The following DNAH11 variants were observed in gnomAD, a reference collection of about 807,000 sequenced individuals.
DNAH11 encodes the protein dynein axonemal heavy chain 11.
In DNAH11, 442 loss-of-function variants were observed where a neutral mutation model predicts 526.0. The ratio of observed to expected loss-of-function variants is 0.84; its 90% CI spans 0.78 to 0.91. DNAH11 has a LOEUF of 0.91. Ranked by LOEUF, DNAH11 falls within the 40% of genes least tolerant of loss-of-function variation. DNAH11 has a pLI of 0.00. For missense variants in DNAH11, 6,989 were observed against 5,448.7 expected (o/e 1.28, Z -8.90); for synonymous variants, 2,461 against 1,935.9 (o/e 1.27, Z -7.12).
chr7:21,836,905 TGAAAA>T (rs950745667), intron 65 of DNAH11, among the ~76,000 whole-genome samples: 1 of 151,728 alleles, frequency 6.6e-6, no homozygotes, highest in African/African-American at 2.4e-5. Context: ...AGCAAAAAAA[TGAAAA>T]GGATGTGATT....
chr7:21,880,662 T>A (rs370245762), intron 74 of DNAH11, 40 bp from the exon 75 acceptor site: 1 of 1,609,084 alleles, frequency 6.2e-7, no homozygotes. Context: ...TTGGAAACCA[T>A]ACAGATGGAT....
chr7:21,895,808 C>G (rs191605317), intron 79 of DNAH11, among the ~76,000 whole-genome samples: 4 of 152,304 alleles, frequency 2.6e-5, no homozygotes, highest in African/African-American at 9.6e-5. Context: ...CGGCTCACTG[C>G]AAGCTCTGCC....
rs1236464301 is a variant in DNAH11 at position 21,816,473 on chromosome 7, A to G, written c.10339A>G (p.Ile3447Val). 1.9e-6 allele frequency: 3 copies of G among 1,602,538 alleles called. No homozygotes were observed. Among genetic ancestry groups the G allele is most frequent in the Non-Finnish European group, 2.6e-6 (3 of 1,174,666 alleles). Reference sequence around the variant, plus strand: ...TTCAACTCTGATTTTAAAGGTTTCCATTCCACTAACCGAAGGCCTGGACTT... The same window carrying G: ...TTCAACTCTGATTTTAAAGGTTTCCGTTCCACTAACCGAAGGCCTGGACTT... ...WVPFLQQKVS[I>V]PLTEGLDLIS... The change falls in exon 64 of 82, where the codon ATT becomes GTT. Residue 3447 changes from isoleucine to valine, a missense_variant. Ile to Val is a conservative substitution (Grantham distance 29). Transcript: ENST00000409508.
intron 55 of DNAH11, among the ~76,000 whole-genome samples, chr7:21,766,978 A>G (rs1787212240): frequency 6.6e-6 from 1 of 152,202 alleles, no homozygotes; most frequent in African/African-American, 2.4e-5. Context: ...CCACAAATAA[A>G]TGAAAATAAG....
At chr7:21,678,159 G>A (rs1003363090) in intron 30 of DNAH11, among the ~76,000 whole-genome samples, 1 of 150,212 alleles carries the variant, frequency 6.7e-6, no homozygotes, top group Non-Finnish European at 1.5e-5. Context: ...CCAAAGTCAT[G>A]AAGCTTTTCC....
chr7:21,782,868 C>A (rs1185498966), intron 57 of DNAH11, among the ~76,000 whole-genome samples: 1 of 150,964 alleles, frequency 6.6e-6, no homozygotes, highest in African/African-American at 2.4e-5. Context: ...CGAGATCATG[C>A]CACTGCACTC....
chr7:21,568,570 T>C (rs1282580360), intron 6 of DNAH11, among the ~76,000 whole-genome samples: 1 of 152,094 alleles, frequency 6.6e-6, no homozygotes, highest in African/African-American at 2.4e-5. Flanking sequence ...GTGTTTTCAT[T>C]TAGGACATTA....
At chr7:21,883,842 A>T (rs1185359184) in intron 75 of DNAH11, among the ~76,000 whole-genome samples, 1 of 152,186 alleles carries the variant, frequency 6.6e-6, no homozygotes, top group African/African-American at 2.4e-5. Context: ...GGAATTCGAG[A>T]CCAACCTGGA....
chr7:21,757,135 G>A (rs1304883854), intron 54 of DNAH11, among the ~76,000 whole-genome samples: 2 of 152,128 alleles, frequency 1.3e-5, no homozygotes, highest in Non-Finnish European at 2.9e-5. Flanking sequence ...TCTGCATTTT[G>A]TTCTTTAGAG....
At position 21,619,984 on chromosome 7, in the gene DNAH11, C is replaced by T; in HGVS notation, c.4406C>T (p.Ala1469Val). Residue 1469 changes from alanine to valine, a missense_variant, in exon 25 of 82, where the codon GCA becomes GTA. Ala to Val is a moderately conservative substitution (Grantham distance 64). Coordinates refer to ENST00000409508, the MANE Select transcript of DNAH11 (RefSeq NM_001277115.2). ...KVITEISQTW[A>V]TMKFSYEVHY... ...ATTACTGAAATCAGTCAGACCTGGG[C>T]AACCATGAAGTTTTCTTACGAAGTT... 1.9e-6 allele frequency: 3 copies of T among 1,605,084 alleles called. No homozygotes were observed. The highest frequency in any genetic ancestry group is 2.5e-6 in the Non-Finnish European group (3 of 1,177,106).
At chr7:21,696,492 A>G (rs76895096) in intron 35 of DNAH11, among the ~76,000 whole-genome samples, 20 of 152,312 alleles carry the variant, frequency 1.3e-4, no homozygotes, top group East Asian at 9.7e-4. Context: ...ATAGAGAATA[A>G]CCATTCTAGA....
Position 21,816,673 on chromosome 7 carries a change from C to T in DNAH11, c.10539C>T (p.Asp3513=). The T allele has an allele frequency of 6.2e-7, 1 of 1,613,546 alleles. No individual in the cohort carries two copies. Among genetic ancestry groups the T allele is most frequent in the East Asian group, 2.2e-5 (1 of 44,862 alleles). ...IKWIKNKYGM[D]LKVTHLGQKG... ...GGATCAAGAATAAGTATGGAATGGA[C>T]CTGAAAGTCACACATTTGGGCCAGA... The change falls in exon 64 of 82, where the codon GAC becomes GAT. Residue 3513 remains aspartate (D), a synonymous_variant. Coordinates refer to ENST00000409508, the MANE Select transcript of DNAH11 (RefSeq NM_001277115.2).
intron 65 of DNAH11, among the ~76,000 whole-genome samples, chr7:21,841,302 A>G (rs1484189077): frequency 6.6e-6 from 1 of 152,220 alleles, no homozygotes; most frequent in African/African-American, 2.4e-5. Flanking sequence ...TGCATTATAC[A>G]TATATATACA....
chr7:21,711,190 T>C (rs996910505), intron 41 of DNAH11, among the ~76,000 whole-genome samples: 8 of 152,168 alleles, frequency 5.3e-5, no homozygotes, highest in African/African-American at 1.9e-4. Context: ...CTGTGAGATA[T>C]CAGTCAAGCA....
At chr7:21,619,061 A>G in intron 23 of DNAH11, 39 bp from the exon 24 acceptor site, 1 of 1,611,802 alleles carries the variant, frequency 6.2e-7, no homozygotes, top group Non-Finnish European at 8.5e-7. Flanking sequence ...CCGTTCATAT[A>G]TGTGGAATAT....
chr7:21,730,100 A>T (rs564410080), intron 45 of DNAH11, among the ~76,000 whole-genome samples: 1 of 152,350 alleles, frequency 6.6e-6, no homozygotes, highest in South Asian at 2.1e-4. Context: ...TTGAGCTACC[A>T]TATGATCTAG....
chr7:21,570,854 A>G (rs548017603), intron 7 of DNAH11: 2 of 151,286 alleles, frequency 1.3e-5, no homozygotes, highest in East Asian at 3.9e-4. Context: ...ACACATTCTT[A>G]CATTTATATG....
intron 61 of DNAH11, among the ~76,000 whole-genome samples, chr7:21,800,883 C>T (rs1366236200): frequency 6.6e-6 from 1 of 152,186 alleles, no homozygotes; most frequent in African/African-American, 2.4e-5. Context: ...CAGTCGCTCC[C>T]TGCATTCTGC....
chr7:21,782,554 A>G (rs975556444), intron 57 of DNAH11, among the ~76,000 whole-genome samples: 1 of 152,236 alleles, frequency 6.6e-6, no homozygotes, highest in African/African-American at 2.4e-5. Context: ...AAAATTACCC[A>G]AAGGAAAAAT....
Sources: allele counts gnomAD v4.1 joint callset (sites outside exome capture counted in the v4.1 genomes callset), GRCh38; gene constraint gnomAD v4.1.1; transcripts MANE v1.5; gene names NCBI Gene and HGNC (gene_info 2026-07-23, HGNC 2026-07-21).